Variants in ZFHX3 observed in about 807,000 individuals in gnomAD.
The protein encoded by ZFHX3 is zinc finger homeobox 3, also known as zinc finger homeobox protein 3.
Under a neutral mutation model 279.1 loss-of-function variants are expected in ZFHX3, and 42 were observed. The observed-to-expected ratio is 0.15, with a 90% CI of 0.12 to 0.19. ZFHX3 has a LOEUF of 0.19. Ranked by LOEUF, ZFHX3 falls within the 10% of genes least tolerant of loss-of-function variation. The probability of loss-of-function intolerance (pLI) is 1.00; values close to 1 mark genes in which losing one functional copy is unlikely to be tolerated. For missense variants in ZFHX3, 4,981 were observed against 4,754.0 expected (o/e 1.05, Z -1.40); for synonymous variants, 2,293 against 1,957.8 (o/e 1.17, Z -4.52).
At chr16:73,487,456 G>T (rs1420980228) in intron 2 of ZFHX3, 4 of 439,048 alleles carry the variant, frequency 9.1e-6, no homozygotes, top group Non-Finnish European at 1.8e-5. Flanking sequence ...AGGCTGGAGT[G>T]CCAGCATGAT....
chr16:73,246,697 C>A (rs911578205), intron 5 of ZFHX3, among the ~76,000 whole-genome samples: 1 of 152,224 alleles, frequency 6.6e-6, no homozygotes, highest in African/African-American at 2.4e-5. Flanking sequence ...TCTACATATT[C>A]TTTAGATACG....
chr16:72,918,529 A>T (rs2039500327), intron 3 of ZFHX3, among the ~76,000 whole-genome samples: 1 of 152,194 alleles, frequency 6.6e-6, no homozygotes. Context: ...TGTCTCTTCT[A>T]GAAGAGGAAC....
At chr16:73,823,412 G>C (rs1028489747) in intron 1 of ZFHX3, among the ~76,000 whole-genome samples, 2 of 152,100 alleles carry the variant, frequency 1.3e-5, no homozygotes, top group Non-Finnish European at 2.9e-5. Context: ...ACAGATGAAA[G>C]GCAACACAGC....
At chr16:73,559,048 G>T (rs1472650933) in intron 2 of ZFHX3, among the ~76,000 whole-genome samples, 1 of 151,272 alleles carries the variant, frequency 6.6e-6, no homozygotes, top group African/African-American at 2.4e-5. Context: ...CTCTTTTTGT[G>T]TGTGTGTGTG....
chr16:73,162,368 C>T (rs1453250712), intron 5 of ZFHX3, among the ~76,000 whole-genome samples: 1 of 152,226 alleles, frequency 6.6e-6, no homozygotes, highest in East Asian at 1.9e-4. Context: ...CACTGTCTCC[C>T]ATCACCCCCA....
chr16:72,874,280 C>A (rs981640667), intron 4 of ZFHX3, among the ~76,000 whole-genome samples: 1 of 145,622 alleles, frequency 6.9e-6, no homozygotes, highest in Non-Finnish European at 1.5e-5. Context: ...AATCTCGGCT[C>A]GCTGCAAACT....
intron 4 of ZFHX3, among the ~76,000 whole-genome samples, chr16:72,887,686 G>A (rs1307407700): frequency 6.7e-6 from 1 of 150,310 alleles, no homozygotes; most frequent in Non-Finnish European, 1.5e-5. Context: ...CTTGCATGTG[G>A]GGGGTGCAGT....
intron 1 of ZFHX3, among the ~76,000 whole-genome samples, chr16:73,859,684 T>C (rs1324890417): frequency 6.6e-6 from 1 of 152,010 alleles, no homozygotes; most frequent in Non-Finnish European, 1.5e-5. Context: ...CCACCACCAC[T>C]AGTAAAAGCC....
In ZFHX3 at chr16:72,837,545, C is replaced by A. The variant is rs557307152; in HGVS notation, c.3449-7686G>T. Among the ~76,000 whole-genome samples the A allele has an allele frequency of 2.1e-5, 3 of 145,066 alleles. No individual in the cohort carries two copies. The South Asian group carries it at 6.5e-4, about 31-fold the overall frequency. On this transcript the variant is annotated intron_variant, in intron 4 of 9. Transcript: ENST00000268489. ...CCAGGCTGGAGTGCAGTGGTGCAATCATCACTTACTGTAGCCTCAAACTCC... is the reference window on the plus strand; with the variant it reads ...CCAGGCTGGAGTGCAGTGGTGCAATAATCACTTACTGTAGCCTCAAACTCC...
intron 1 of ZFHX3, among the ~76,000 whole-genome samples, chr16:73,890,209 T>G (rs2030483285): frequency 6.7e-6 from 1 of 150,242 alleles, no homozygotes; most frequent in South Asian, 2.1e-4. Flanking sequence ...AATTTTTTCT[T>G]CTTGTAATTG....
At chr16:73,325,090 A>T (rs2015654570) in intron 3 of ZFHX3, among the ~76,000 whole-genome samples, 1 of 152,132 alleles carries the variant, frequency 6.6e-6, no homozygotes, top group African/African-American at 2.4e-5. Flanking sequence ...TCTGGCTGCG[A>T]AGTAGAGAAT....
chr16:73,583,089 A>C (rs1288248980), intron 2 of ZFHX3, among the ~76,000 whole-genome samples: 1 of 152,224 alleles, frequency 6.6e-6, no homozygotes, highest in Non-Finnish European at 1.5e-5. Flanking sequence ...CAGCTTTCCC[A>C]GCTATGGAGA....
At position 73,029,071 on chromosome 16, in the gene ZFHX3, C is replaced by G. The variant is rs544248689; in HGVS notation, c.-50+18681G>C. 4.5e-4 allele frequency among the ~76,000 whole-genome samples: 69 copies of G among 152,268 alleles called. No individual in the cohort carries two copies. In the East Asian group the frequency reaches 6.0e-3, roughly 13 times the overall value. On this transcript the variant is annotated intron_variant, in intron 1 of 9. Coordinates refer to ENST00000268489, the MANE Select transcript of ZFHX3 (RefSeq NM_006885.4). Reference sequence around the variant, plus strand: ...GGGAGCCAAGTGCACCTTCCTCAAGCCCAGCAGCAGAGAAGACCTCACCAA... The same window carrying G: ...GGGAGCCAAGTGCACCTTCCTCAAGGCCAGCAGCAGAGAAGACCTCACCAA...
intron 3 of ZFHX3, among the ~76,000 whole-genome samples, chr16:72,919,617 T>C (rs1204861294): frequency 6.6e-6 from 1 of 152,070 alleles, no homozygotes; most frequent in African/African-American, 2.4e-5. Context: ...ATTCTATCAC[T>C]AATGTGAACA....
intron 1 of ZFHX3, among the ~76,000 whole-genome samples, chr16:73,851,580 G>A (rs889635312): frequency 2.0e-5 from 3 of 152,124 alleles, no homozygotes; most frequent in Non-Finnish European, 4.4e-5. Context: ...AAATTGCAAC[G>A]TGGTATTTGG....
chr16:73,856,159 A>G (rs941714425), intron 1 of ZFHX3, among the ~76,000 whole-genome samples: 1 of 152,210 alleles, frequency 6.6e-6, no homozygotes, highest in Non-Finnish European at 1.5e-5. Context: ...TTATATATGC[A>G]TGGGAAGGAG....
At chr16:73,127,632 A>G (rs1435685415) in intron 7 of ZFHX3, 1 of 1,262,892 alleles carries the variant, frequency 7.9e-7, no homozygotes, top group Non-Finnish European at 1.0e-6. Flanking sequence ...CAGGGTGCAG[A>G]CTGGATGTTA....
At chr16:73,064,780 T>C (rs909551168) in intron 8 of ZFHX3, among the ~76,000 whole-genome samples, 5 of 152,168 alleles carry the variant, frequency 3.3e-5, no homozygotes, top group African/African-American at 1.2e-4. Flanking sequence ...AGATTCCCAG[T>C]TTCCTCAGCT....
chr16:73,348,784 A>C (rs979130162), intron 3 of ZFHX3, among the ~76,000 whole-genome samples: 1 of 152,140 alleles, frequency 6.6e-6, no homozygotes, highest in African/African-American at 2.4e-5. Context: ...TGGATGACCA[A>C]CCCTCACCAA....
Sources: allele counts gnomAD v4.1 joint callset (sites outside exome capture counted in the v4.1 genomes callset), GRCh38; gene constraint gnomAD v4.1.1; transcripts MANE v1.5; gene names NCBI Gene and HGNC (gene_info 2026-07-23, HGNC 2026-07-21).